AGBL1: variants seen among roughly 807,000 people sequenced by gnomAD.
The protein encoded by AGBL1 is cytosolic carboxypeptidase 4.
In AGBL1, 130 loss-of-function variants were observed where a neutral mutation model predicts 118.9. The observed-to-expected ratio is 1.09, with a 90% CI of 0.95 to 1.26. The LOEUF is 1.26. AGBL1 is among the 50% of genes most tolerant of loss of function. The pLI is 0.00. For synonymous variants in AGBL1, 555 were observed against 478.9 expected (o/e 1.16, Z -2.08); for missense variants, 1,584 against 1,298.1 (o/e 1.22, Z -3.38).
chr15:86,209,004 T>C (rs913225287), intron 5 of AGBL1, among the ~76,000 whole-genome samples: 3 of 152,226 alleles, frequency 2.0e-5, no homozygotes, highest in African/African-American at 7.2e-5. Flanking sequence ...CCAGAGATTA[T>C]GGTATGTTGT....
chr15:86,088,622 C>G (rs558982825), intron 1 of AGBL1, among the ~76,000 whole-genome samples: 1 of 152,222 alleles, frequency 6.6e-6, no homozygotes, highest in Admixed American at 6.5e-5. Context: ...CCAAAGAACA[C>G]TAGTGTTCCC....
intron 16 of AGBL1, among the ~76,000 whole-genome samples, chr15:86,281,028 C>A (rs2079343551): frequency 6.6e-6 from 1 of 152,176 alleles, no homozygotes. Flanking sequence ...ACAGAACAGG[C>A]AACATTCATC....
chr15:86,508,321 CA>C (rs2083006380), intron 18 of AGBL1, among the ~76,000 whole-genome samples: 1 of 151,858 alleles, frequency 6.6e-6, no homozygotes, highest in Admixed American at 6.6e-5. Flanking sequence ...GAAACCAACA[CA>C]AAAGCTTTTC....
chr15:86,933,487 G>GATCTC, intron 23 of AGBL1, among the ~76,000 whole-genome samples: 1 of 152,284 alleles, frequency 6.6e-6, no homozygotes, highest in South Asian at 2.1e-4. Flanking sequence ...TGCTCTCATA[G>GATCTC]ATCTCATCTC....
At chr15:86,550,284 C>T (rs1444274890) in intron 20 of AGBL1, among the ~76,000 whole-genome samples, 3 of 152,014 alleles carry the variant, frequency 2.0e-5, no homozygotes, top group African/African-American at 7.2e-5. Flanking sequence ...CCAAAAATAT[C>T]AATGATGTCA....
At chr15:86,718,883 A>T (rs938088712) in intron 22 of AGBL1, among the ~76,000 whole-genome samples, 1 of 152,204 alleles carries the variant, frequency 6.6e-6, no homozygotes, top group African/African-American at 2.4e-5. Context: ...TATTAATATT[A>T]GTCCTATCCA....
intron 24 of AGBL1, among the ~76,000 whole-genome samples, chr15:87,023,081 A>G (rs1287320961): frequency 6.6e-6 from 1 of 152,128 alleles, no homozygotes; most frequent in Non-Finnish European, 1.5e-5. Flanking sequence ...AAAAAAACCA[A>G]GGTACACAGG....
At chr15:86,272,762 G>T (rs900926598) in intron 15 of AGBL1, among the ~76,000 whole-genome samples, 21 of 152,022 alleles carry the variant, frequency 1.4e-4, no homozygotes, top group Non-Finnish European at 1.5e-5. Context: ...AGAGTTGGAG[G>T]TATTCAATCC....
chr15:86,399,786 A>G (rs1245879378), intron 18 of AGBL1, among the ~76,000 whole-genome samples: 2 of 152,166 alleles, frequency 1.3e-5, no homozygotes, highest in Non-Finnish European at 2.9e-5. Flanking sequence ...GGATTCCCAA[A>G]TGGCAGGCCA....
intron 18 of AGBL1, among the ~76,000 whole-genome samples, chr15:86,512,923 G>T (rs774248900): frequency 1.1e-4 from 16 of 150,212 alleles, no homozygotes; most frequent in Non-Finnish European, 2.4e-4. Flanking sequence ...TTAAATTATA[G>T]ATTTTTTCCT....
At chr15:86,572,777 C>T (rs1309020771) in intron 21 of AGBL1, among the ~76,000 whole-genome samples, 1 of 152,226 alleles carries the variant, frequency 6.6e-6, no homozygotes, top group African/African-American at 2.4e-5. Flanking sequence ...AGCATGATGG[C>T]AGTGGCTGCT....
intron 21 of AGBL1, among the ~76,000 whole-genome samples, chr15:86,640,052 G>T (rs538949735): frequency 6.6e-6 from 1 of 152,240 alleles, no homozygotes; most frequent in South Asian, 2.1e-4. Flanking sequence ...AAAGTGCAAT[G>T]TAAATTGTAA....
chr15:86,435,996 A>G (rs2081996016), intron 18 of AGBL1, among the ~76,000 whole-genome samples: 1 of 152,124 alleles, frequency 6.6e-6, no homozygotes, highest in South Asian at 2.1e-4. Context: ...CATTAGTCCA[A>G]GGAATATTTA....
At chr15:87,024,562 A>G (rs2141809507) in intron 24 of AGBL1, among the ~76,000 whole-genome samples, 1 of 152,150 alleles carries the variant, frequency 6.6e-6, no homozygotes, top group East Asian at 1.9e-4. Flanking sequence ...CCAGACATTC[A>G]AAGAAGAATT....
intron 18 of AGBL1, among the ~76,000 whole-genome samples, chr15:86,501,141 G>A (rs1390091535): frequency 6.6e-6 from 1 of 151,624 alleles, no homozygotes; most frequent in Admixed American, 6.6e-5. Context: ...ATATATATGA[G>A]TTTCAATTGA....
intron 22 of AGBL1, among the ~76,000 whole-genome samples, chr15:86,866,460 A>G (rs981613307): frequency 6.6e-6 from 1 of 152,226 alleles, no homozygotes; most frequent in Non-Finnish European, 1.5e-5. Flanking sequence ...TACAACAGTC[A>G]TCTACTTCTT....
chr15:86,326,912 G>A lies in AGBL1; in HGVS notation c.2374+31504G>A, dbSNP rs117612861. 3.4e-3 allele frequency among the ~76,000 whole-genome samples: 508 copies of A among 151,414 alleles called. 9 individuals carry two copies. The East Asian group carries it at 0.044, about 13-fold the overall frequency. Reference sequence around the variant, plus strand: ...GAATGATGTTATCCCCCATATCCTCGAGTTTTTTTCTTTTTCTTTTTTTTT... The same window carrying A: ...GAATGATGTTATCCCCCATATCCTCAAGTTTTTTTCTTTTTCTTTTTTTTT... On this transcript the variant is annotated intron_variant, in intron 17 of 22. Transcript: ENST00000614907.
chr15:86,192,121 TACAC>T (rs1015021965), intron 5 of AGBL1, among the ~76,000 whole-genome samples: 4 of 150,754 alleles, frequency 2.7e-5, no homozygotes, highest in African/African-American at 9.7e-5. Flanking sequence ...ACGCCCCCAA[TACAC>T]ACACACCCAC....
At chr15:86,724,962 T>C (rs1377068020) in intron 22 of AGBL1, among the ~76,000 whole-genome samples, 3 of 152,324 alleles carry the variant, frequency 2.0e-5, no homozygotes, top group Admixed American at 1.3e-4. Flanking sequence ...CAATTAAACC[T>C]TGTTTCTTTA....
Sources: allele counts gnomAD v4.1 joint callset (sites outside exome capture counted in the v4.1 genomes callset), GRCh38; gene constraint gnomAD v4.1.1; transcripts MANE v1.5; gene names NCBI Gene and HGNC (gene_info 2026-07-23, HGNC 2026-07-21).